The following APIP variants were observed in gnomAD, a reference collection of about 807,000 sequenced individuals.
APIP encodes the protein methylthioribulose-1-phosphate dehydratase.
In APIP, 32 loss-of-function variants were observed where a neutral mutation model predicts 32.0. That is an observed-to-expected ratio of 1.00 (90% confidence interval 0.76 to 1.34). The LOEUF is 1.34. Ranked by LOEUF, APIP falls within the 40% of genes most tolerant of loss-of-function variation. The pLI is 0.00. For synonymous variants in APIP, 92 were observed against 94.8 expected (o/e 0.97, Z 0.17); for missense variants, 247 against 298.6 (o/e 0.83, Z 1.27).
intron 1 of APIP, among the ~76,000 whole-genome samples, chr11:34,904,248 G>A (rs1001326282): frequency 3.3e-5 from 5 of 152,162 alleles, no homozygotes; most frequent in African/African-American, 7.2e-5. Flanking sequence ...TTGGTCTACC[G>A]AAGTACCTTC....
intron 1 of APIP, among the ~76,000 whole-genome samples, chr11:34,912,347 A>C (rs773685707): frequency 4.6e-5 from 7 of 152,216 alleles, no homozygotes; most frequent in African/African-American, 7.2e-5. Flanking sequence ...CAAAGACAGA[A>C]TAATATAAAT....
chr11:34,906,914 A>G (rs1180467451), intron 1 of APIP, among the ~76,000 whole-genome samples: 2 of 152,212 alleles, frequency 1.3e-5, no homozygotes, highest in African/African-American at 4.8e-5. Context: ...ACTCAATACT[A>G]TAACTCAAAT....
intron 2 of APIP, chr11:34,890,764 T>C: frequency 2.4e-6 from 1 of 413,208 alleles, no homozygotes; most frequent in Admixed American, 4.4e-5. Context: ...GTTGTTGCTT[T>C]TGTCTTCTAC....
In APIP at chr11:34,882,775, A is replaced by G. The variant is rs1243964044; in HGVS notation, c.671T>C (p.Met224Thr). ...YDYLFDIAVS[M>T]KKVGLDPSQL... is the part of the protein sequence containing the mutation. ...TGAAGGATCAAGTCCTACTTTCTTCATTGATACGGCAATATCAAATAAATA... is the reference window on the plus strand; with the variant it reads ...TGAAGGATCAAGTCCTACTTTCTTCGTTGATACGGCAATATCAAATAAATA... Residue 224 changes from methionine (M) to threonine (T), a missense_variant, in exon 7 of 7, where the codon ATG becomes ACG. By Grantham distance (81) the Met-to-Thr change is moderately conservative. Transcript: ENST00000395787. 1 of 1,610,980 alleles carries G rather than the reference A, an allele frequency of 6.2e-7. No homozygotes were observed. Among genetic ancestry groups the G allele is most frequent in the South Asian group, 1.1e-5 (1 of 90,732 alleles).
intron 5 of APIP, among the ~76,000 whole-genome samples, chr11:34,887,633 G>A (rs1020645712): frequency 6.6e-6 from 1 of 152,120 alleles, no homozygotes; most frequent in Non-Finnish European, 1.5e-5. Context: ...AGGAAATTAA[G>A]AGTGAAGGTT....
rs761971765 is a variant in APIP at position 34,883,327 on chromosome 11, T to C, written c.629+10A>G. The C allele has an allele frequency of 1.3e-6, 2 of 1,599,760 alleles. No homozygotes were observed. Among genetic ancestry groups the C allele is most frequent in the Non-Finnish European group, 1.7e-6 (2 of 1,173,588 alleles). ...TAACTTGTTCCCCATGTTCTCTGAT[T>C]TACACTCACATGGTTTTGGCCTTCT... On this transcript the variant is annotated intron_variant, in intron 6 of 6. Transcript: ENST00000395787.
At chr11:34,912,898 A>G (rs552230697) in intron 1 of APIP, among the ~76,000 whole-genome samples, 63 of 152,286 alleles carry the variant, frequency 4.1e-4, no homozygotes, top group African/African-American at 1.5e-3. Context: ...AGTGTATAGT[A>G]CCACATGCTG....
intron 1 of APIP, among the ~76,000 whole-genome samples, chr11:34,915,591 T>C (rs3794170): frequency 0.19 from 28,796 of 152,134 alleles, 3,894 homozygotes; most frequent in African/African-American, 0.39. Context: ...TCTCTGAGCG[T>C]GTAGAAGGCG....
chr11:34,904,115 A>AG (rs1228481435), intron 1 of APIP, among the ~76,000 whole-genome samples: 1 of 152,232 alleles, frequency 6.6e-6, no homozygotes, highest in African/African-American at 2.4e-5. Flanking sequence ...TCAAAGACAA[A>AG]GGGCATTCAA....
At chr11:34,892,322 G>T (rs1853197479) in intron 2 of APIP, among the ~76,000 whole-genome samples, 1 of 152,174 alleles carries the variant, frequency 6.6e-6, no homozygotes, top group South Asian at 2.1e-4. Context: ...CTAAATTTTG[G>T]AATATACTTC....
chr11:34,885,203 T>A (rs1354173788), intron 5 of APIP, among the ~76,000 whole-genome samples: 1 of 148,226 alleles, frequency 6.7e-6, no homozygotes, highest in Non-Finnish European at 1.5e-5. Flanking sequence ...CCTATATAAC[T>A]ATATATGTAT....
chr11:34,885,237 G>C (rs936453561), intron 5 of APIP, among the ~76,000 whole-genome samples: 54 of 146,744 alleles, frequency 3.7e-4, no homozygotes, highest in African/African-American at 1.3e-3. Context: ...AGTTATACAT[G>C]TATATATAAC....
At chr11:34,913,662 T>C (rs184209044) in intron 1 of APIP, among the ~76,000 whole-genome samples, 1 of 152,292 alleles carries the variant, frequency 6.6e-6, no homozygotes, top group Non-Finnish European at 1.5e-5. Flanking sequence ...AAAACAAAGC[T>C]TCCACAGCCT....
intron 3 of APIP, among the ~76,000 whole-genome samples, 195 bp from the exon 4 acceptor site, chr11:34,889,064 A>C (rs923102750): frequency 7.2e-5 from 11 of 152,068 alleles, no homozygotes; most frequent in African/African-American, 2.7e-4. Flanking sequence ...TAAATATATA[A>C]TTATAGTTTC....
chr11:34,888,176 T>C, intron 5 of APIP, 117 bp downstream of exon 5: 1 of 994,380 alleles, frequency 1.0e-6, no homozygotes, highest in Non-Finnish European at 1.4e-6. Flanking sequence ...AAATGGAGTA[T>C]TATTTAACAC....
intron 5 of APIP, among the ~76,000 whole-genome samples, chr11:34,885,184 A>G (rs1045965465): frequency 6.7e-6 from 1 of 148,198 alleles, no homozygotes; most frequent in Non-Finnish European, 1.5e-5. Flanking sequence ...CTATATATGT[A>G]TATATATACC....
intron 5 of APIP, among the ~76,000 whole-genome samples, chr11:34,885,034 A>T (rs1011174217): frequency 8.6e-5 from 13 of 150,414 alleles, no homozygotes; most frequent in African/African-American, 3.2e-4. Context: ...TCTGAAAGGG[A>T]GTACAATTAT....
At chr11:34,905,320 T>A (rs1463611388) in intron 1 of APIP, among the ~76,000 whole-genome samples, 2 of 152,196 alleles carry the variant, frequency 1.3e-5, no homozygotes, top group Non-Finnish European at 2.9e-5. Context: ...AATTGTTGGG[T>A]CTGTCCTAAG....
intron 1 of APIP, among the ~76,000 whole-genome samples, chr11:34,909,444 T>C (rs1853508580): frequency 6.6e-6 from 1 of 152,134 alleles, no homozygotes; most frequent in South Asian, 2.1e-4. Flanking sequence ...GGATCAACTT[T>C]GATTAACGCA....
Sources: allele counts gnomAD v4.1 joint callset (sites outside exome capture counted in the v4.1 genomes callset), GRCh38; gene constraint gnomAD v4.1.1; transcripts MANE v1.5; gene names NCBI Gene and HGNC (gene_info 2026-07-23, HGNC 2026-07-21).